The following SLC25A18 variants were observed in gnomAD, a reference collection of about 807,000 sequenced individuals.
The protein encoded by SLC25A18 is solute carrier family 25 member 18.
SLC25A18 carries 24 observed loss-of-function variants against 31.1 expected under a neutral mutation model. That is an observed-to-expected ratio of 0.77 (90% CI 0.56 to 1.08). The LOEUF is 1.08. Ranked by LOEUF, SLC25A18 falls within the 50% of genes least tolerant of loss-of-function variation. The probability of loss-of-function intolerance (pLI) is 0.00; values close to 1 mark genes in which losing one functional copy is unlikely to be tolerated. For missense variants in SLC25A18, 371 were observed against 418.5 expected (o/e 0.89, Z 0.99); for synonymous variants, 173 against 161.9 (o/e 1.07, Z -0.52).
At chr22:17,584,027 A>T in intron 7 of SLC25A18, 1 of 982,004 alleles carries the variant, frequency 1.0e-6, no homozygotes, top group Non-Finnish European at 1.2e-6. Flanking sequence ...GAGAATGTTG[A>T]TTCAGAGGGT....
At chr22:17,585,576 C>T (rs2057519078) in intron 7 of SLC25A18, among the ~76,000 whole-genome samples, 1 of 151,670 alleles carries the variant, frequency 6.6e-6, no homozygotes, top group Non-Finnish European at 1.5e-5. Flanking sequence ...ATTTCAGTGT[C>T]ACAAATCCCA....
chr22:17,574,830 T>TTTTTTATTATTATTATTATTATTA (rs1555947157), intron 2 of SLC25A18, among the ~76,000 whole-genome samples: 1,911 of 137,850 alleles, frequency 0.014, 104 homozygotes, highest in African/African-American at 0.052. Flanking sequence ...CAATGTTCCC[T>TTTTTTATTATTATTATTATTATTA]TTATTATTAT....
At chr22:17,587,881 C>T (rs1419188729) in intron 8 of SLC25A18, 44 bp from the exon 9 acceptor site, 9 of 1,613,090 alleles carry the variant, frequency 5.6e-6, no homozygotes, top group Non-Finnish European at 8.5e-7. Context: ...GGTGGCAGCC[C>T]CAGGGCAGCT....
At chr22:17,566,321 C>A (rs950906669) in intron 1 of SLC25A18, among the ~76,000 whole-genome samples, 2 of 152,174 alleles carry the variant, frequency 1.3e-5, no homozygotes, top group Admixed American at 6.5e-5. Context: ...AAATCTGATA[C>A]CTGCCTCTGG....
At position 17,581,138 on chromosome 22, in the gene SLC25A18, G is replaced by A; in HGVS notation, c.122G>A (p.Gly41Glu). Residue 41 changes from glycine to glutamate, a missense_variant, in exon 4 of 11, where the codon GGG becomes GAG. Coordinates refer to ENST00000327451, the MANE Select transcript of SLC25A18 (RefSeq NM_031481.3). ...AAGACTCGCCTGCAGAACCAGCATG[G>A]GAAAGCCATGTACAAAGGAATGTAG... ...LAKTRLQNQH[G>E]KAMYKGMIDC... 5.0e-6 allele frequency: 8 copies of A among 1,598,076 alleles called. No individual in the cohort carries two copies. Among genetic ancestry groups the A allele is most frequent in the Admixed American group, 1.8e-5 (1 of 56,834 alleles).
At chr22:17,566,274 G>A (rs116742638) in intron 1 of SLC25A18, among the ~76,000 whole-genome samples, 1,698 of 152,208 alleles carry the variant, frequency 0.011, 21 homozygotes, top group African/African-American at 0.027. Context: ...CTCTCAGTGG[G>A]GGGATAATGT....
At chr22:17,587,054 G>T (rs546802283) in intron 7 of SLC25A18, 82 bp from the exon 8 acceptor site, 4 of 1,486,940 alleles carry the variant, frequency 2.7e-6, no homozygotes, top group Non-Finnish European at 3.7e-6. Flanking sequence ...TGTCCCAGGG[G>T]CAGGGATTGA....
In SLC25A18 at chr22:17,583,540, G is replaced by A; in HGVS notation, c.409+6G>A. The A allele has an allele frequency of 6.2e-7, 1 of 1,613,054 alleles. No homozygotes were observed. Among genetic ancestry groups the A allele is most frequent in the Non-Finnish European group, 8.5e-7 (1 of 1,179,962 alleles). On this transcript the variant is annotated splice_donor_region_variant and intron_variant, in intron 7 of 10. Transcript: ENST00000327451. ...GCAGGATGCTGGACGCCTGGGTGAG[G>A]CCTGTCCCCACCTCCTATGGGAACA...
intron 6 of SLC25A18, 150 bp downstream of exon 6, chr22:17,582,803 G>T (rs555117598): frequency 1.4e-4 from 95 of 685,724 alleles, no homozygotes; most frequent in Non-Finnish European, 2.3e-4. Flanking sequence ...TGTTTGGGCT[G>T]CTGGAGAGTG....
chr22:17,581,763 C>A, intron 5 of SLC25A18: 1 of 279,874 alleles, frequency 3.6e-6, no homozygotes, highest in Non-Finnish European at 6.8e-6. Context: ...CTCCCCAGCT[C>A]GGTCCAGCGT....
intron 8 of SLC25A18, 145 bp from the exon 9 acceptor site, chr22:17,587,780 C>T (rs546726712): frequency 1.3e-4 from 127 of 972,000 alleles, no homozygotes; most frequent in South Asian, 3.2e-4. Context: ...CCCTCACCCA[C>T]GCTCACGGGG....
rs535176571 is a variant in SLC25A18, at chr22:17,565,069, TTTTTGTTTTG to T, written c.-264+1376_-264+1385del. ...TGTCACTCTGTGCAGACTCATTCTG[TTTTTGTTTTG>T]TTTTGTTTTGTTTTGTTTTTGAGAC... On this transcript the variant is annotated intron_variant, in intron 1 of 10. Coordinates refer to ENST00000327451, the MANE Select transcript of SLC25A18 (RefSeq NM_031481.3). 2.3e-4 allele frequency among the ~76,000 whole-genome samples: 35 copies of T among 151,834 alleles called. No individual in the cohort carries two copies. The East Asian group carries it at 3.5e-3, about 15-fold the overall frequency.
rs1601359110 is a variant in SLC25A18, at chr22:17,589,953, A to G, written c.807-142A>G. On this transcript the variant is annotated intron_variant, in intron 10 of 10. Coordinates refer to ENST00000327451, the MANE Select transcript of SLC25A18 (RefSeq NM_031481.3). ...TGCATGCACCTAGCGGGCGAGGCAC[A>G]GCTCCCACACCGTTGGCCTCTTGCT... 7.3e-6 allele frequency: 9 copies of G among 1,225,964 alleles called. No homozygotes were observed. In the Admixed American group the frequency reaches 1.8e-4, roughly 25 times the overall value. 75.9% of individuals were successfully genotyped at this position (1,225,964 alleles called of 1,614,324 possible).
At chr22:17,580,751 C>T in intron 3 of SLC25A18, 2 of 1,186,156 alleles carry the variant, frequency 1.7e-6, no homozygotes, top group Non-Finnish European at 2.1e-6. Flanking sequence ...TGGGGCAGAG[C>T]GGTGCCCTGG....
chr22:17,578,473 G>T (rs912483522), intron 2 of SLC25A18, among the ~76,000 whole-genome samples: 2 of 152,192 alleles, frequency 1.3e-5, no homozygotes, highest in Non-Finnish European at 1.5e-5. Flanking sequence ...CTGGCAACCA[G>T]TCTCTCAATT....
chr22:17,577,292 G>A (rs890259481), intron 2 of SLC25A18, among the ~76,000 whole-genome samples: 15 of 152,152 alleles, frequency 9.9e-5, no homozygotes, highest in African/African-American at 3.6e-4. Flanking sequence ...AAAGTGCTGG[G>A]ATTATAGGCG....
intron 1 of SLC25A18, among the ~76,000 whole-genome samples, chr22:17,568,537 C>T (rs890951568): frequency 1.4e-5 from 2 of 145,996 alleles, no homozygotes; most frequent in Admixed American, 7.1e-5. Context: ...CTGTGGGAGC[C>T]GAGAATATAA....
chr22:17,566,657 C>T (rs2056945517), intron 1 of SLC25A18, among the ~76,000 whole-genome samples: 1 of 152,160 alleles, frequency 6.6e-6, no homozygotes. Flanking sequence ...GGTGATCCGC[C>T]CACCTCAGCC....
intron 1 of SLC25A18, among the ~76,000 whole-genome samples, chr22:17,566,107 A>AT (rs1469229217): frequency 1.3e-5 from 2 of 151,988 alleles, no homozygotes; most frequent in Admixed American, 6.6e-5. Flanking sequence ...GCCGATCTCT[A>AT]TTTTTTTGAA....
Sources: gnomAD v4.1 joint callset for allele counts (sites outside exome capture counted in the v4.1 genomes callset) on GRCh38, gnomAD v4.1.1 for gene constraint, MANE v1.5 for transcripts, NCBI Gene and HGNC (gene_info 2026-07-23, HGNC 2026-07-21) for gene names.